Variants in RBFOX3 observed in about 807,000 individuals in gnomAD.
RBFOX3 encodes RNA binding fox-1 homolog 3.
RBFOX3 carries 17 observed loss-of-function variants against 48.7 expected under a neutral mutation model. The ratio of observed to expected loss-of-function variants is 0.35; its 90% CI spans 0.24 to 0.52. RBFOX3 has a LOEUF of 0.52. Ranked by LOEUF, RBFOX3 falls within the 20% of genes least tolerant of loss-of-function variation. The pLI is 0.94. For synonymous variants in RBFOX3, 212 were observed against 209.5 expected (o/e 1.01, Z -0.10); for missense variants, 382 against 497.5 (o/e 0.77, Z 2.21).
chr17:79,215,276 G>A (rs979246447), intron 4 of RBFOX3, among the ~76,000 whole-genome samples: 4 of 138,944 alleles, frequency 2.9e-5, no homozygotes, highest in Admixed American at 7.0e-5. Flanking sequence ...GAGGCTGTAG[G>A]GGCAGGGAGG....
intron 1 of RBFOX3, among the ~76,000 whole-genome samples, chr17:79,513,987 G>A (rs2084889984): frequency 6.6e-6 from 1 of 152,204 alleles, no homozygotes; most frequent in Admixed American, 6.5e-5. Flanking sequence ...CATGTGACCA[G>A]ACCTGCCAAT....
chr17:79,219,401 C>T (rs1029106750), intron 4 of RBFOX3, among the ~76,000 whole-genome samples: 6 of 152,214 alleles, frequency 3.9e-5, no homozygotes, highest in East Asian at 1.9e-4. Flanking sequence ...TGTGCGTGCG[C>T]GTGCACACAC....
chr17:79,504,543 G>T (rs546406518), intron 1 of RBFOX3, among the ~76,000 whole-genome samples: 3 of 152,308 alleles, frequency 2.0e-5, no homozygotes, highest in Non-Finnish European at 2.9e-5. Context: ...GGAGAGAAGC[G>T]TTGCCTGCCT....
At chr17:79,229,406 A>G (rs1474753349) in intron 4 of RBFOX3, among the ~76,000 whole-genome samples, 1 of 151,662 alleles carries the variant, frequency 6.6e-6, no homozygotes, top group Non-Finnish European at 1.5e-5. Flanking sequence ...AAAATACAAA[A>G]AAATTAGCCA....
intron 3 of RBFOX3, among the ~76,000 whole-genome samples, chr17:79,281,530 G>A (rs1380967755): frequency 1.3e-5 from 2 of 152,082 alleles, no homozygotes; most frequent in Non-Finnish European, 2.9e-5. Flanking sequence ...TTAGCTTAGA[G>A]AAGACTATCT....
At chr17:79,137,346 C>T (rs937966072) in intron 4 of RBFOX3, among the ~76,000 whole-genome samples, 3 of 152,188 alleles carry the variant, frequency 2.0e-5, no homozygotes, top group African/African-American at 7.2e-5. Flanking sequence ...ACAAGCACCC[C>T]TGGATGACAG....
chr17:79,622,608 A>C, the RBFOX3 span, among the ~76,000 whole-genome samples: 2 of 152,158 alleles, frequency 1.3e-5, no homozygotes, highest in African/African-American at 4.8e-5. Context: ...CCTTGCTCTC[A>C]GCTGGCCGTC....
chr17:79,439,080 G>A (rs1398751017), intron 2 of RBFOX3, among the ~76,000 whole-genome samples: 2 of 152,218 alleles, frequency 1.3e-5, no homozygotes, highest in African/African-American at 4.8e-5. Context: ...TAGAAAGTCT[G>A]CCCTGATTAA....
chr17:79,174,618 C>T (rs1240332547), intron 4 of RBFOX3, among the ~76,000 whole-genome samples: 4 of 151,932 alleles, frequency 2.6e-5, no homozygotes, highest in Non-Finnish European at 5.9e-5. Flanking sequence ...GACACACATC[C>T]ACAATGCAGT....
At position 79,090,451 on chromosome 17, in the gene RBFOX3, G is replaced by A. The variant is rs532508738; in HGVS notation, c.*432C>T. The stretch of plus-strand genomic sequence containing the variant: ...ACAAAGATCAAGTCTTGCTAGCAGC[G>A]CCTGCCTGCTCAGGCCCGGGCCTGC... On this transcript the variant is annotated 3_prime_UTR_variant, in exon 15 of 15. Coordinates refer to ENST00000693108, the MANE Select transcript of RBFOX3 (RefSeq NM_001350451.2). The A allele has an allele frequency of 2.5e-4, 42 of 170,008 alleles. No homozygotes were observed. The South Asian group carries it at 7.3e-3, about 30-fold the overall frequency. 10.5% of individuals were successfully genotyped at this position (170,008 alleles called of 1,614,324 possible).
In RBFOX3 at chr17:79,293,267, A is replaced by AGTT. The variant is rs1049797844; in HGVS notation, c.-74+14454_-74+14456dup. On this transcript the variant is annotated intron_variant, in intron 3 of 14. Coordinates refer to ENST00000693108, the MANE Select transcript of RBFOX3 (RefSeq NM_001350451.2). ...ACATGGGGCCAACAAAAATGTTCCAAGTTACTCATCTGCTGCTCACATCAA... is the reference window on the plus strand; with the variant it reads ...ACATGGGGCCAACAAAAATGTTCCAAGTTGTTACTCATCTGCTGCTCACATCAA... 3.0e-4 allele frequency among the ~76,000 whole-genome samples: 46 copies of AGTT among 152,244 alleles called. No individual in the cohort carries two copies. The East Asian group carries it at 7.9e-3, about 26-fold the overall frequency.
the RBFOX3 span, among the ~76,000 whole-genome samples, chr17:79,629,230 T>G: frequency 2.0e-4 from 31 of 152,314 alleles, no homozygotes; most frequent in African/African-American, 6.5e-4. Flanking sequence ...CTTTGCCATC[T>G]TCTCCAAATA....
rs756122178 is a variant in RBFOX3, at chr17:79,111,336, G to C, written c.222+4158C>G. Among the ~76,000 whole-genome samples the C allele has an allele frequency of 8.5e-5, 13 of 152,132 alleles. No individual in the cohort carries two copies. Among genetic ancestry groups the C allele is most frequent in the Non-Finnish European group, 1.9e-4 (13 of 68,000 alleles). On this transcript the variant is annotated intron_variant, in intron 5 of 14. Transcript: ENST00000693108. This position sits in a 1 kb window ranked among gnomAD's most constrained non-coding sequence, Gnocchi z 4.2. ...CCTTCTGGCAGGTGGAGGAGCCCAC[G>C]TGGGCTCTGGAAAACACCAGTCTCA...
chr17:79,246,067 C>G (rs2063131633), intron 3 of RBFOX3, among the ~76,000 whole-genome samples: 1 of 152,136 alleles, frequency 6.6e-6, no homozygotes, highest in South Asian at 2.1e-4. Context: ...AAAAGCCCCA[C>G]TGCCTCATTT....
chr17:79,225,533 T>G (rs2060215203), intron 4 of RBFOX3, among the ~76,000 whole-genome samples: 2 of 152,192 alleles, frequency 1.3e-5, no homozygotes, highest in Admixed American at 6.5e-5. Flanking sequence ...TCAAGTGATG[T>G]GCCCACCTCA....
chr17:79,408,799 C>G (rs1001856369), intron 2 of RBFOX3, among the ~76,000 whole-genome samples: 9 of 152,198 alleles, frequency 5.9e-5, no homozygotes, highest in African/African-American at 1.9e-4. Context: ...TTAATGGTCT[C>G]TCTCACCAAG....
intron 1 of RBFOX3, among the ~76,000 whole-genome samples, chr17:79,590,243 G>A (rs1042735062): frequency 5.9e-5 from 9 of 152,118 alleles, no homozygotes; most frequent in African/African-American, 1.9e-4. Context: ...AAGATAGCAC[G>A]CGGTAAGAGA....
At chr17:79,483,035 T>A (rs1425288736) in intron 1 of RBFOX3, among the ~76,000 whole-genome samples, 5 of 151,962 alleles carry the variant, frequency 3.3e-5, no homozygotes, top group Non-Finnish European at 7.4e-5. Context: ...AGCTACTTTG[T>A]CCCTCTCTTT....
intron 5 of RBFOX3, among the ~76,000 whole-genome samples, chr17:79,109,550 G>A (rs894541140): frequency 2.0e-5 from 3 of 152,236 alleles, no homozygotes; most frequent in Non-Finnish European, 2.9e-5. Flanking sequence ...CGGAGGGGAC[G>A]ACCTTACCCC....
Sources: allele counts gnomAD v4.1 joint callset (sites outside exome capture counted in the v4.1 genomes callset), GRCh38; gene constraint gnomAD v4.1.1; non-coding constraint Gnocchi (gnomAD v3.1); transcripts MANE v1.5; gene names NCBI Gene and HGNC (gene_info 2026-07-23, HGNC 2026-07-21).